The following DAB1 variants were observed in gnomAD, a reference collection of about 807,000 sequenced individuals.
The protein encoded by DAB1 is disabled homolog 1.
Under a neutral mutation model 64.6 loss-of-function variants are expected in DAB1, and 15 were observed. That is an observed-to-expected ratio of 0.23 (90% CI 0.16 to 0.36). DAB1 has a LOEUF of 0.36. DAB1 is among the 10% of genes least tolerant of loss of function. The pLI is 1.00. For synonymous variants in DAB1, 235 were observed against 251.9 expected, an observed-to-expected ratio of 0.93 and a Z score of 0.64; for missense variants, 596 against 706.7, an observed-to-expected ratio of 0.84 and a Z score of 1.78.
intron 3 of DAB1, among the ~76,000 whole-genome samples, chr1:58,369,197 T>C (rs1312051197): frequency 6.6e-6 from 1 of 152,118 alleles, no homozygotes; most frequent in Non-Finnish European, 1.5e-5. Context: ...CTTTATTGGC[T>C]TTTTTCCCCC....
intron 1 of DAB1, chr1:57,864,522 C>A (rs1654205847): frequency 6.6e-6 from 1 of 151,972 alleles, no homozygotes; most frequent in South Asian, 2.1e-4. Context: ...GACTTTTGAT[C>A]CTGAGCTTAT....
At chr1:57,162,757 C>A (rs1453673885) in intron 2 of DAB1, among the ~76,000 whole-genome samples, 1 of 152,174 alleles carries the variant, frequency 6.6e-6, no homozygotes, top group Non-Finnish European at 1.5e-5. Flanking sequence ...GCCTTCTAAA[C>A]AAGAGTGCTG....
chr1:58,456,380 G>A (rs898412868), intron 3 of DAB1, among the ~76,000 whole-genome samples: 2 of 152,182 alleles, frequency 1.3e-5, no homozygotes, highest in Non-Finnish European at 2.9e-5. Flanking sequence ...GGGAGGGTGT[G>A]AGTTGAATAC....
chr1:58,030,647 G>A (rs1469593238), intron 5 of DAB1, among the ~76,000 whole-genome samples: 3 of 152,184 alleles, frequency 2.0e-5, no homozygotes, highest in African/African-American at 7.2e-5. Flanking sequence ...CCTCAGAAAA[G>A]CCCCTGGGGT....
At chr1:58,015,672 A>G (rs1646728487) in intron 5 of DAB1, among the ~76,000 whole-genome samples, 1 of 152,020 alleles carries the variant, frequency 6.6e-6, no homozygotes, top group African/African-American at 2.4e-5. Context: ...TCTTGGCTGC[A>G]CCTTAAAATC....
rs1043286484 is a variant in DAB1, at chr1:57,567,140, G to A, written n.625+82452C>T. ...GTTCAACATATACAAATCAATAAATGTAATCCAGCATATAAACAGAACCAA... is the reference window on the plus strand; with the variant it reads ...GTTCAACATATACAAATCAATAAATATAATCCAGCATATAAACAGAACCAA... On this transcript the variant is annotated intron_variant and non_coding_transcript_variant, in intron 7 of 20. Coordinates refer to the DAB1 transcript ENST00000485760. Among the ~76,000 whole-genome samples, 9 of 152,148 alleles carry A rather than the reference G, an allele frequency of 5.9e-5. 1 individual carries two copies. The highest frequency in any genetic ancestry group is 9.7e-5 in the African/African-American group (4 of 41,420).
At chr1:58,117,844 T>G (rs1045440088) in intron 5 of DAB1, among the ~76,000 whole-genome samples, 1 of 150,188 alleles carries the variant, frequency 6.7e-6, no homozygotes, top group Non-Finnish European at 1.5e-5. Context: ...CATGCTTTGT[T>G]TTTTTTTTTA....
At chr1:57,359,376 C>G (rs1334071090) in intron 1 of DAB1, among the ~76,000 whole-genome samples, 1 of 151,868 alleles carries the variant, frequency 6.6e-6, no homozygotes, top group Non-Finnish European at 1.5e-5. Context: ...AAATGCAAAT[C>G]AAAACCACAA....
intron 4 of DAB1, among the ~76,000 whole-genome samples, chr1:58,313,851 G>GTGTGTGTT (rs1662486614): frequency 6.9e-6 from 1 of 145,644 alleles, no homozygotes; most frequent in African/African-American, 2.6e-5. Flanking sequence ...GTGTGTGTGT[G>GTGTGTGTT]TGTGTGAGAG....
chr1:57,034,480 T>C (rs1647072066), intron 9 of DAB1, among the ~76,000 whole-genome samples: 1 of 152,048 alleles, frequency 6.6e-6, no homozygotes, highest in African/African-American at 2.4e-5. Context: ...TGGTAGAGGG[T>C]CTCCCCCTGC....
intron 7 of DAB1, among the ~76,000 whole-genome samples, chr1:57,442,338 C>G (rs1270551348): frequency 6.6e-6 from 1 of 152,168 alleles, no homozygotes; most frequent in Non-Finnish European, 1.5e-5. Context: ...ATGGATTTCT[C>G]TCTTTGATTC....
At chr1:58,497,234 AAAGG>A (rs1438092309) in intron 3 of DAB1, among the ~76,000 whole-genome samples, 1 of 152,188 alleles carries the variant, frequency 6.6e-6, no homozygotes, top group African/African-American at 2.4e-5. Context: ...AAACAAAACA[AAAGG>A]GAGGGGGGTA....
At chr1:57,695,154 G>A (rs1429068436) in intron 6 of DAB1, among the ~76,000 whole-genome samples, 1 of 151,640 alleles carries the variant, frequency 6.6e-6, no homozygotes, top group Non-Finnish European at 1.5e-5. Flanking sequence ...AGCCGGGGAG[G>A]TAGAGGCTGC....
At chr1:57,861,578 T>C (rs1158981073) in intron 1 of DAB1, among the ~76,000 whole-genome samples, 1 of 152,132 alleles carries the variant, frequency 6.6e-6, no homozygotes. Context: ...AGGCCCTCCT[T>C]TTCCATGCCA....
intron 1 of DAB1, among the ~76,000 whole-genome samples, chr1:57,396,672 C>T (rs965610997): frequency 1.3e-4 from 20 of 152,128 alleles, no homozygotes; most frequent in African/African-American, 4.8e-4. Context: ...AGCCATGTGA[C>T]CTTGACCACG....
chr1:57,998,104 C>A, intron 5 of DAB1, among the ~76,000 whole-genome samples: 1 of 152,174 alleles, frequency 6.6e-6, no homozygotes, highest in East Asian at 1.9e-4. Context: ...TTTGCAAGTT[C>A]TCCCTGGTAC....
At chr1:58,198,091 C>A (rs886262593) in intron 4 of DAB1, among the ~76,000 whole-genome samples, 3 of 152,308 alleles carry the variant, frequency 2.0e-5, no homozygotes, top group Admixed American at 6.5e-5. Flanking sequence ...TTCACTGAAT[C>A]CCTTATCATT....
At chr1:57,436,225 C>T (rs1410759857) in intron 7 of DAB1, among the ~76,000 whole-genome samples, 2 of 151,994 alleles carry the variant, frequency 1.3e-5, no homozygotes, top group African/African-American at 4.8e-5. Flanking sequence ...CTGTGCTAGA[C>T]TTTTATACGA....
chr1:57,951,480 G>A (rs924732040), intron 5 of DAB1, among the ~76,000 whole-genome samples: 1 of 151,612 alleles, frequency 6.6e-6, no homozygotes, highest in Admixed American at 6.6e-5. Flanking sequence ...CTATTGCAAA[G>A]CTCTTTACAG....
Sources: gnomAD v4.1 joint callset for allele counts (sites outside exome capture counted in the v4.1 genomes callset) on GRCh38, gnomAD v4.1.1 for gene constraint, MANE v1.5 for transcripts, NCBI Gene and HGNC (gene_info 2026-07-23, HGNC 2026-07-21) for gene names.